The following EPM2A variants were observed in gnomAD, a reference collection of about 807,000 sequenced individuals.
EPM2A encodes the protein laforin.
Under a neutral mutation model 26.5 loss-of-function variants are expected in EPM2A, and 21 were observed. The ratio of observed to expected loss-of-function variants is 0.79; its 90% CI spans 0.56 to 1.14. The LOEUF (loss-of-function observed/expected upper bound fraction) is 1.14, where lower values mean the gene tolerates loss of function less well. Ranked by LOEUF, EPM2A falls within the 50% of genes most tolerant of loss-of-function variation. EPM2A has a pLI of 0.00. For synonymous variants in EPM2A, 217 were observed against 177.6 expected (o/e 1.22, Z -1.76); for missense variants, 458 against 440.8 (o/e 1.04, Z -0.35).
intron 4 of EPM2A, among the ~76,000 whole-genome samples, chr6:145,460,981 T>G (rs1779323136): frequency 6.6e-6 from 1 of 152,176 alleles, no homozygotes; most frequent in South Asian, 2.1e-4. Flanking sequence ...ATTAGTGGTT[T>G]TTATTCCTCA....
intron 2 of EPM2A, among the ~76,000 whole-genome samples, chr6:145,601,367 C>T (rs374516013): frequency 2.0e-5 from 3 of 151,972 alleles, no homozygotes; most frequent in African/African-American, 7.3e-5. Flanking sequence ...TTCATTGGGA[C>T]TTTTCTACAA....
At chr6:145,543,579 G>A (rs1025334438) in intron 2 of EPM2A, among the ~76,000 whole-genome samples, 4 of 152,078 alleles carry the variant, frequency 2.6e-5, no homozygotes, top group Admixed American at 6.6e-5. Context: ...TCAAAACAGG[G>A]TCTTTAATAA....
intron 1 of EPM2A, among the ~76,000 whole-genome samples, chr6:145,688,190 A>C (rs935505347): frequency 4.6e-5 from 7 of 152,206 alleles, no homozygotes; most frequent in Admixed American, 2.6e-4. Context: ...TATTTTAAGG[A>C]TACCTCTCTG....
At chr6:145,681,610 T>C (rs990887865) in intron 2 of EPM2A, among the ~76,000 whole-genome samples, 42 of 151,462 alleles carry the variant, frequency 2.8e-4, no homozygotes, top group Non-Finnish European at 4.3e-4. Flanking sequence ...TTTCTACATA[T>C]GGCTAGCCAG....
intron 4 of EPM2A, among the ~76,000 whole-genome samples, chr6:145,461,553 C>T (rs1779329102): frequency 6.6e-6 from 1 of 152,052 alleles, no homozygotes; most frequent in African/African-American, 2.4e-5. Flanking sequence ...AACCAGAAAA[C>T]CCAATACCAT....
In EPM2A at chr6:145,431,655, G is replaced by A. The variant is rs984489891; in HGVS notation, c.556-47558C>T. ...GCGAGTAGTAATCTTTTTGCAGGAG[G>A]AAGGTTTTGCCTCAAGGTTGATGGC... On this transcript the variant is annotated intron_variant, in intron 4 of 4. Transcript: ENST00000638717. 1.2e-4 allele frequency among the ~76,000 whole-genome samples: 18 copies of A among 152,170 alleles called. 1 individual carries two copies. Among genetic ancestry groups the A allele is most frequent in the African/African-American group, 3.6e-4 (15 of 41,440 alleles).
intron 2 of EPM2A, among the ~76,000 whole-genome samples, chr6:145,586,845 G>A (rs560444504): frequency 3.3e-5 from 5 of 152,160 alleles, no homozygotes; most frequent in South Asian, 4.1e-4. Flanking sequence ...TACTTAAAAC[G>A]AAACCTCACA....
At chr6:145,401,965 T>C (rs1220160208) in intron 4 of EPM2A, among the ~76,000 whole-genome samples, 1 of 152,118 alleles carries the variant, frequency 6.6e-6, no homozygotes, top group Non-Finnish European at 1.5e-5. Context: ...AGCCATCTCG[T>C]ACATAATTAG....
intron 2 of EPM2A, among the ~76,000 whole-genome samples, chr6:145,522,090 C>A (rs1320380023): frequency 6.6e-6 from 1 of 152,062 alleles, no homozygotes; most frequent in Non-Finnish European, 1.5e-5. Context: ...GTAGCTGGGA[C>A]TACAGGCACC....
In EPM2A at chr6:145,703,337, C is replaced by T. The variant is rs147954424; in HGVS notation, c.302-17041G>A. On this transcript the variant is annotated intron_variant, in intron 1 of 3. Coordinates refer to ENST00000367519, the MANE Select transcript of EPM2A (RefSeq NM_005670.4). ...CGATCTCCTGACCTTGTGATCTGCC[C>T]GCCTCGACCTCCCAAAGTGCTGGGA... 2.8e-3 allele frequency among the ~76,000 whole-genome samples: 429 copies of T among 152,012 alleles called. 5 individuals are homozygous for T. The highest frequency in any genetic ancestry group is 9.8e-3 in the African/African-American group (406 of 41,476).
At chr6:145,614,910 T>C (rs1339730471) in intron 2 of EPM2A, among the ~76,000 whole-genome samples, 2 of 152,358 alleles carry the variant, frequency 1.3e-5, no homozygotes, top group South Asian at 2.1e-4. Flanking sequence ...GTGGATTTTA[T>C]TGATGCATGG....
At chr6:145,513,512 T>C (rs1780084217) in intron 2 of EPM2A, among the ~76,000 whole-genome samples, 1 of 152,060 alleles carries the variant, frequency 6.6e-6, no homozygotes, top group Non-Finnish European at 1.5e-5. Flanking sequence ...GAACTGAAAA[T>C]AGAACTATTA....
intron 4 of EPM2A, among the ~76,000 whole-genome samples, chr6:145,432,184 C>T (rs1328077254): frequency 6.6e-6 from 1 of 152,214 alleles, no homozygotes; most frequent in Non-Finnish European, 1.5e-5. Context: ...CTGGAATCAA[C>T]TTCTTCCAAA....
At chr6:145,655,703 T>C (rs1332562803) in intron 2 of EPM2A, among the ~76,000 whole-genome samples, 2 of 152,132 alleles carry the variant, frequency 1.3e-5, no homozygotes, top group African/African-American at 4.8e-5. Context: ...GGGATTGCCA[T>C]AGATAAAAAT....
intron 2 of EPM2A, among the ~76,000 whole-genome samples, chr6:145,666,731 G>T (rs1423136914): frequency 1.4e-5 from 2 of 148,008 alleles, no homozygotes; most frequent in Non-Finnish European, 3.0e-5. Flanking sequence ...AAAGAACAAA[G>T]TTGGAGGCAT....
chr6:145,436,752 G>T (rs1778994263), intron 4 of EPM2A, among the ~76,000 whole-genome samples: 1 of 151,674 alleles, frequency 6.6e-6, no homozygotes, highest in Non-Finnish European at 1.5e-5. Flanking sequence ...AATCTAAATT[G>T]ACCTATTTTC....
chr6:145,703,617 T>C (rs1782056223), intron 1 of EPM2A, among the ~76,000 whole-genome samples: 1 of 152,202 alleles, frequency 6.6e-6, no homozygotes, highest in Non-Finnish European at 1.5e-5. Context: ...GATAGTCTCT[T>C]TACAAGTGAA....
intron 3 of EPM2A, chr6:145,630,779 C>T (rs138025193): frequency 0.011 from 1,659 of 152,352 alleles, 13 homozygotes; most frequent in Admixed American, 0.018. Context: ...CCAGCACTCT[C>T]GTAAGCATTT....
chr6:145,560,450 G>A (rs392612), intron 2 of EPM2A, among the ~76,000 whole-genome samples: 1 of 151,866 alleles, frequency 6.6e-6, no homozygotes, highest in African/African-American at 2.4e-5. Context: ...CTCTGCAAGC[G>A]AGGTAAACTC....
Sources: gnomAD v4.1 joint callset for allele counts (sites outside exome capture counted in the v4.1 genomes callset) on GRCh38, gnomAD v4.1.1 for gene constraint, MANE v1.5 for transcripts, NCBI Gene and HGNC (gene_info 2026-07-23, HGNC 2026-07-21) for gene names.